The following EPHB2 variants were observed in gnomAD, a reference collection of about 807,000 sequenced individuals.
The protein encoded by EPHB2 is ephrin type-B receptor 2.
Under a neutral mutation model 96.4 loss-of-function variants are expected in EPHB2, and 18 were observed. That is an observed-to-expected ratio of 0.19 (90% CI 0.13 to 0.28). The LOEUF is 0.28. EPHB2 is among the 10% of genes least tolerant of loss of function. The pLI, the probability that EPHB2 is intolerant of heterozygous loss-of-function variation, is 1.00. For synonymous variants in EPHB2, 506 were observed against 534.1 expected (o/e 0.95, Z 0.72); for missense variants, 989 against 1,355.4 (o/e 0.73, Z 4.25).
At chr1:22,809,370 T>A (rs1347459956) in intron 3 of EPHB2, among the ~76,000 whole-genome samples, 1 of 152,214 alleles carries the variant, frequency 6.6e-6, no homozygotes, top group Non-Finnish European at 1.5e-5. Context: ...TGTCTACAGA[T>A]CAGACAGAAA....
intron 2 of EPHB2, 63 bp downstream of exon 2, chr1:22,781,548 C>T (rs1032534770): frequency 1.3e-5 from 20 of 1,519,412 alleles, no homozygotes; most frequent in African/African-American, 2.7e-5. Context: ...TGCTGCAGGG[C>T]CCGAATGCCC....
intron 3 of EPHB2, among the ~76,000 whole-genome samples, chr1:22,853,561 G>T (rs1215206887): frequency 1.3e-5 from 2 of 152,240 alleles, no homozygotes; most frequent in African/African-American, 2.4e-5. Flanking sequence ...TCCTAGAAAA[G>T]GACCAACAGT....
At chr1:22,753,724 C>T (rs1412023093) in intron 1 of EPHB2, among the ~76,000 whole-genome samples, 1 of 152,152 alleles carries the variant, frequency 6.6e-6, no homozygotes, top group Non-Finnish European at 1.5e-5. Flanking sequence ...TGTCGGGGAG[C>T]TTGACAAGGT....
intron 1 of EPHB2, among the ~76,000 whole-genome samples, chr1:22,725,571 G>C (rs1643563735): frequency 6.6e-6 from 1 of 151,922 alleles, no homozygotes. Context: ...CCTGGAAAGA[G>C]CTAGCAAACA....
intron 3 of EPHB2, among the ~76,000 whole-genome samples, chr1:22,850,616 C>T (rs1377776362): frequency 6.6e-6 from 1 of 152,218 alleles, no homozygotes; most frequent in African/African-American, 2.4e-5. Context: ...CTGTGAGTCC[C>T]AGGGATTACA....
intron 1 of EPHB2, among the ~76,000 whole-genome samples, chr1:22,769,168 C>T (rs1644346011): frequency 6.6e-6 from 1 of 152,060 alleles, no homozygotes; most frequent in East Asian, 1.9e-4. Flanking sequence ...GATTCACAGG[C>T]CAGATGGGGT....
At chr1:22,912,689 T>C in intron 15 of EPHB2, 90 bp downstream of exon 15, 3 of 1,580,846 alleles carry the variant, frequency 1.9e-6, no homozygotes, top group Non-Finnish European at 2.6e-6. Context: ...GGGTGAGGAA[T>C]AGATCATGTC....
At position 22,857,862 on chromosome 1, in the gene EPHB2, G is replaced by A. The variant is rs1046944422; in HGVS notation, c.812-5175G>A. On this transcript the variant is annotated intron_variant, in intron 3 of 15. Transcript: ENST00000374630. The stretch of plus-strand genomic sequence containing the variant: ...TACGACCGGCCCGCGGCTCTGCTAG[G>A]GGCTGGAGAAACAATGAAAGCCAGA... Among the ~76,000 whole-genome samples, 31 of 152,278 alleles carry A rather than the reference G, an allele frequency of 2.0e-4. 2 individuals carry two copies. The highest frequency in any genetic ancestry group is 6.5e-4 in the African/African-American group (27 of 41,554).
intron 1 of EPHB2, among the ~76,000 whole-genome samples, chr1:22,761,648 G>C (rs1355954433): frequency 2.0e-5 from 3 of 152,158 alleles, no homozygotes; most frequent in African/African-American, 7.2e-5. Context: ...ATTCCCTAGA[G>C]CTAACAATTC....
intron 9 of EPHB2, among the ~76,000 whole-genome samples, chr1:22,904,922 C>G (rs1454384148): frequency 6.6e-6 from 1 of 152,190 alleles, no homozygotes; most frequent in Non-Finnish European, 1.5e-5. Context: ...TATGGTGACC[C>G]AAGGATTTCA....
intron 3 of EPHB2, among the ~76,000 whole-genome samples, chr1:22,811,539 G>A (rs865798621): frequency 1.3e-5 from 2 of 152,202 alleles, no homozygotes; most frequent in Non-Finnish European, 2.9e-5. Context: ...TGGGGATGGA[G>A]GGCAGAAAGT....
chr1:22,725,877 G>A (rs1297026218), intron 1 of EPHB2, among the ~76,000 whole-genome samples: 1 of 152,180 alleles, frequency 6.6e-6, no homozygotes, highest in Non-Finnish European at 1.5e-5. Context: ...GAGCCAGGGG[G>A]AGATGCAACA....
At chr1:22,873,853 CG>C (rs1231242489) in intron 5 of EPHB2, among the ~76,000 whole-genome samples, 2 of 152,194 alleles carry the variant, frequency 1.3e-5, no homozygotes, top group Non-Finnish European at 1.5e-5. Context: ...TTATATTTCA[CG>C]GCCACTTCTA....
chr1:22,797,787 C>T (rs1210512902), intron 3 of EPHB2, among the ~76,000 whole-genome samples: 1 of 152,170 alleles, frequency 6.6e-6, no homozygotes, highest in African/African-American at 2.4e-5. Context: ...CCTTCTCTCA[C>T]CTTTCTGACC....
intron 13 of EPHB2, 132 bp downstream of exon 13, chr1:22,909,303 A>G: frequency 2.8e-6 from 4 of 1,420,532 alleles, no homozygotes; most frequent in Non-Finnish European, 3.9e-6. Context: ...CCTGGCTCCC[A>G]GGGCAGCTGC....
intron 3 of EPHB2, among the ~76,000 whole-genome samples, chr1:22,804,551 C>G (rs918478978): frequency 1.3e-5 from 2 of 152,074 alleles, no homozygotes; most frequent in Non-Finnish European, 2.9e-5. Flanking sequence ...GTCATGCAGA[C>G]TCACTCACAG....
chr1:22,750,350 C>G (rs988278359), intron 1 of EPHB2, among the ~76,000 whole-genome samples: 5 of 152,146 alleles, frequency 3.3e-5, no homozygotes, highest in Non-Finnish European at 4.4e-5. Flanking sequence ...AGGCCCGGAC[C>G]CTTCTGTGGC....
At chr1:22,842,404 CCT>C (rs1645483199) in intron 3 of EPHB2, among the ~76,000 whole-genome samples, 1 of 152,110 alleles carries the variant, frequency 6.6e-6, no homozygotes, top group African/African-American at 2.4e-5. Flanking sequence ...CTTATGGGTC[CCT>C]GTTAGATCTG....
In EPHB2 at chr1:22,913,095, A is replaced by G. The variant is rs534962105; in HGVS notation, c.2853-367A>G. 2.7e-5 allele frequency: 10 copies of G among 368,714 alleles called. No homozygotes were observed. Among genetic ancestry groups the G allele is most frequent in the South Asian group, 1.9e-4 (8 of 42,390 alleles). 22.8% of individuals were successfully genotyped at this position (368,714 alleles called of 1,614,324 possible). ...GTAATGCCAGCTACTCGGGAGGCTGAGGCAGGGGAATTGCTTGAACCAAGG... is the reference window on the plus strand; with the variant it reads ...GTAATGCCAGCTACTCGGGAGGCTGGGGCAGGGGAATTGCTTGAACCAAGG... On this transcript the variant is annotated intron_variant, in intron 15 of 15. Coordinates refer to ENST00000374630, the MANE Select transcript of EPHB2 (RefSeq NM_017449.5). This position sits in a 1 kb window ranked among gnomAD's most constrained non-coding sequence, Gnocchi z 4.1.
Sources: gnomAD v4.1 joint callset for allele counts (sites outside exome capture counted in the v4.1 genomes callset) on GRCh38, gnomAD v4.1.1 for gene constraint, Gnocchi (gnomAD v3.1) non-coding constraint, MANE v1.5 for transcripts, NCBI Gene and HGNC (gene_info 2026-07-23, HGNC 2026-07-21) for gene names.